RFX8: variants seen among roughly 807,000 people sequenced by gnomAD.
The protein encoded by RFX8 is regulatory factor X8.
A neutral mutation model predicts 54.6 loss-of-function variants in RFX8; 46 were observed. The ratio of observed to expected loss-of-function variants is 0.84; its 90% CI spans 0.67 to 1.08. The LOEUF (loss-of-function observed/expected upper bound fraction) is 1.08. Among genes scored for constraint, RFX8 ranks in the 50% least tolerant of loss-of-function variants. RFX8 has a pLI of 0.00. For missense variants in RFX8, 536 were observed against 562.3 expected (o/e 0.95, Z 0.47); for synonymous variants, 192 against 209.5 (o/e 0.92, Z 0.72).
rs141517260 is a variant in RFX8, at chr2:101,423,849, C to T, written c.73-1377G>A. Among the ~76,000 whole-genome samples the T allele has an allele frequency of 4.2e-3, 640 of 152,212 alleles. 5 individuals carry two copies. The highest frequency in any genetic ancestry group is 0.015 in the African/African-American group (604 of 41,528). On this transcript the variant is annotated intron_variant, in intron 2 of 11. Coordinates refer to ENST00000428343, the MANE Select transcript of RFX8 (RefSeq NM_001145664.2). ...GGCACCACTGTGTTTTCCTCCTCTC[C>T]GATGCCCCAGTATCAACCAGTACTG...
chr2:101,405,337 G>A (rs536326601), intron 10 of RFX8, among the ~76,000 whole-genome samples: 1 of 152,136 alleles, frequency 6.6e-6, no homozygotes, highest in South Asian at 2.1e-4. Context: ...AGTAGAGACA[G>A]GGTTTCACCA....
rs1352029063 is a variant in RFX8 at position 101,410,031 on chromosome 2, C to T, written c.813+588G>A. Among the ~76,000 whole-genome samples the T allele has an allele frequency of 3.3e-5, 5 of 152,226 alleles. No homozygotes were observed. In the East Asian group the frequency reaches 9.7e-4, roughly 29 times the overall value. On this transcript the variant is annotated intron_variant, in intron 9 of 11. Transcript: ENST00000428343. ...CCATCTTTGGGCTTTTGAAATCAAG[C>T]CAGACATTTTACTGGAACATGTCTG...
rs1181557183 is a variant in RFX8, at chr2:101,422,315, G to A, written c.183+47C>T. On this transcript the variant is annotated intron_variant, in intron 3 of 11. Transcript: ENST00000428343. ...AAAAGGAAGCTATTTACTGCCCTAA[G>A]CATCATACAGCGTGAAAGGCTAATC... The A allele has an allele frequency of 3.3e-6, 3 of 909,372 alleles. No individual in the cohort carries two copies. In the African/African-American group the frequency reaches 4.9e-5, roughly 15 times the overall value. 56.3% of individuals were successfully genotyped at this position (909,372 alleles called of 1,614,324 possible). A position where few individuals can be genotyped will look rare whatever the true frequency, so the allele number is the denominator to read the frequency against.
At chr2:101,398,817 G>A (rs1685267738) in intron 11 of RFX8, among the ~76,000 whole-genome samples, 1 of 152,188 alleles carries the variant, frequency 6.6e-6, no homozygotes, top group African/African-American at 2.4e-5. Flanking sequence ...AGTATACTTT[G>A]ACAGAGATGT....
intron 1 of RFX8, among the ~76,000 whole-genome samples, chr2:101,467,354 C>T (rs1573493284): frequency 6.6e-6 from 1 of 152,184 alleles, no homozygotes; most frequent in East Asian, 1.9e-4. Flanking sequence ...GCCAGCCTGG[C>T]TTCCCAGGGC....
chr2:101,450,582 A>G (rs1237454212), intron 2 of RFX8: 7 of 1,377,102 alleles, frequency 5.1e-6, no homozygotes, highest in South Asian at 1.3e-5. Context: ...TGCCAAAATG[A>G]TAGCTACTAA....
At chr2:101,461,440 A>G (rs945423867) in intron 2 of RFX8, among the ~76,000 whole-genome samples, 2 of 152,138 alleles carry the variant, frequency 1.3e-5, no homozygotes, top group East Asian at 1.9e-4. Flanking sequence ...AAGCCTTCCT[A>G]TATGTTTAGT....
intron 2 of RFX8, among the ~76,000 whole-genome samples, chr2:101,466,492 AC>A (rs1689581533): frequency 6.6e-6 from 1 of 152,118 alleles, no homozygotes; most frequent in Non-Finnish European, 1.5e-5. Flanking sequence ...ATGCCAGCAA[AC>A]CTGGCTCCCT....
chr2:101,398,599 T>C (rs888551488), intron 11 of RFX8, among the ~76,000 whole-genome samples: 1 of 152,128 alleles, frequency 6.6e-6, no homozygotes, highest in Non-Finnish European at 1.5e-5. Context: ...GGTGACTCAA[T>C]TGGGAAGTAA....
chr2:101,471,060 G>A (rs1293997979), intron 1 of RFX8, among the ~76,000 whole-genome samples: 1 of 151,402 alleles, frequency 6.6e-6, no homozygotes, highest in East Asian at 2.0e-4. Context: ...GCAACTGGGC[G>A]CGGTGGCTCA....
At chr2:101,447,350 T>C (rs1342130884) in intron 2 of RFX8, among the ~76,000 whole-genome samples, 3 of 152,214 alleles carry the variant, frequency 2.0e-5, no homozygotes, top group Non-Finnish European at 4.4e-5. Flanking sequence ...TCCTTGTTCC[T>C]GCAGCTGTAA....
intron 8 of RFX8, among the ~76,000 whole-genome samples, chr2:101,412,090 T>C (rs1301491767): frequency 6.6e-6 from 1 of 152,104 alleles, no homozygotes; most frequent in East Asian, 1.9e-4. Context: ...GTTATGCCCA[T>C]AGAGGGAGAG....
chr2:101,459,653 A>G (rs1191948075), intron 2 of RFX8, among the ~76,000 whole-genome samples: 1 of 152,092 alleles, frequency 6.6e-6, no homozygotes, highest in Non-Finnish European at 1.5e-5. Context: ...GTTGGATGCA[A>G]CTGGGAGGTG....
chr2:101,425,705 A>T (rs878923413), intron 2 of RFX8, among the ~76,000 whole-genome samples: 1 of 152,242 alleles, frequency 6.6e-6, no homozygotes, highest in African/African-American at 2.4e-5. Context: ...AACTGTGAAA[A>T]GAATTGTTCT....
chr2:101,411,394 A>C (rs1239159205), intron 8 of RFX8, among the ~76,000 whole-genome samples: 2 of 152,152 alleles, frequency 1.3e-5, no homozygotes, highest in African/African-American at 4.8e-5. Context: ...GCAGTCTGCT[A>C]TCTCCCTGCA....
At chr2:101,399,072 G>A (rs1039794237) in intron 11 of RFX8, among the ~76,000 whole-genome samples, 3 of 152,118 alleles carry the variant, frequency 2.0e-5, no homozygotes, top group Non-Finnish European at 4.4e-5. Flanking sequence ...TCTTAAACAC[G>A]CCTTGGCATC....
At chr2:101,458,356 T>C (rs1449107122) in intron 2 of RFX8, among the ~76,000 whole-genome samples, 8 of 152,248 alleles carry the variant, frequency 5.3e-5, no homozygotes, top group Non-Finnish European at 1.0e-4. Flanking sequence ...TATCGGCTGT[T>C]TGTTTCCAAG....
chr2:101,447,896 A>G (rs1043278738), intron 2 of RFX8, among the ~76,000 whole-genome samples: 1 of 152,210 alleles, frequency 6.6e-6, no homozygotes. Context: ...TTAACTTAAC[A>G]TAACAACCTC....
chr2:101,401,353 A>G (rs1685433619), intron 11 of RFX8, among the ~76,000 whole-genome samples: 1 of 152,098 alleles, frequency 6.6e-6, no homozygotes, highest in African/African-American at 2.4e-5. Flanking sequence ...CTGCAATCGG[A>G]GAACTCGCAA....
Sources: gnomAD v4.1 joint callset for allele counts (sites outside exome capture counted in the v4.1 genomes callset) on GRCh38, gnomAD v4.1.1 for gene constraint, MANE v1.5 for transcripts, NCBI Gene and HGNC (gene_info 2026-07-23, HGNC 2026-07-21) for gene names.